CHL1: variants seen among roughly 807,000 people sequenced by gnomAD.
CHL1 encodes the protein cell adhesion molecule L1 like.
Under a neutral mutation model 141.9 loss-of-function variants are expected in CHL1, and 96 were observed. That is an observed-to-expected ratio of 0.68 (90% confidence interval 0.57 to 0.80). The LOEUF (loss-of-function observed/expected upper bound fraction) is 0.80. Among genes scored for constraint, CHL1 ranks in the 30% least tolerant of loss-of-function variants. The pLI, the probability that CHL1 is intolerant of heterozygous loss-of-function variation, is 0.00. For synonymous variants in CHL1, 613 were observed against 502.2 expected, an observed-to-expected ratio of 1.22 and a Z score of -2.95; for missense variants, 1,820 against 1,457.2, an observed-to-expected ratio of 1.25 and a Z score of -4.05.
In CHL1 at chr3:209,848, G is replaced by A. The variant is rs142933154; in HGVS notation, c.-175+12785G>A. ...CTAATAATGATCCAAGGTAGGTGCC[G>A]TTGTTTACAGATAGGATTTTGTATT... On this transcript the variant is annotated intron_variant, in intron 1 of 27. Coordinates refer to ENST00000256509, the MANE Select transcript of CHL1 (RefSeq NM_006614.4). 2.4e-3 allele frequency among the ~76,000 whole-genome samples: 362 copies of A among 152,306 alleles called. 1 individual carries two copies. The highest frequency in any genetic ancestry group is 8.3e-3 in the African/African-American group (343 of 41,564).
At chr3:394,942 C>G in intron 24 of CHL1, 70 bp downstream of exon 24, 1 of 1,269,620 alleles carries the variant, frequency 7.9e-7, no homozygotes, top group South Asian at 1.6e-5. Flanking sequence ...AACAGCTGCA[C>G]TGAAAGGAAA....
At chr3:272,944 A>G (rs1033236682) in intron 2 of CHL1, among the ~76,000 whole-genome samples, 4 of 152,188 alleles carry the variant, frequency 2.6e-5, no homozygotes, top group African/African-American at 9.7e-5. Flanking sequence ...CAATGAAGAG[A>G]TAATGAAGGG....
rs9883157 is a variant in CHL1 at position 242,362 on chromosome 3, T to A, written c.-174-2251T>A. ...CTGTAATCCCAGCACTTTGGGAGGCTGAGGGGGGCAGATCACGAGGTCAGG... is the reference window on the plus strand; with the variant it reads ...CTGTAATCCCAGCACTTTGGGAGGCAGAGGGGGGCAGATCACGAGGTCAGG... On this transcript the variant is annotated intron_variant, in intron 1 of 27. Coordinates refer to ENST00000256509, the MANE Select transcript of CHL1 (RefSeq NM_006614.4). Among the ~76,000 whole-genome samples, 4 of 144,150 alleles carry A rather than the reference T, an allele frequency of 2.8e-5. No individual in the cohort carries two copies. In the South Asian group the frequency reaches 7.0e-4, roughly 25 times the overall value. The allele number at this position is 144,150 out of a possible 152,430, so 94.6% of individuals were successfully genotyped here.
At chr3:221,171 T>C (rs1014074551) in intron 1 of CHL1, among the ~76,000 whole-genome samples, 1 of 152,226 alleles carries the variant, frequency 6.6e-6, no homozygotes, top group African/African-American at 2.4e-5. Context: ...GTCTTATTTC[T>C]CCTTAAAATG....
At chr3:238,899 C>T (rs532108072) in intron 1 of CHL1, among the ~76,000 whole-genome samples, 2 of 152,252 alleles carry the variant, frequency 1.3e-5, no homozygotes, top group African/African-American at 2.4e-5. Context: ...CGCCATTGCA[C>T]TCCAGCCTGG....
At chr3:357,671 C>A (rs1291659600) in intron 11 of CHL1, among the ~76,000 whole-genome samples, 1 of 152,226 alleles carries the variant, frequency 6.6e-6, no homozygotes, top group Non-Finnish European at 1.5e-5. Flanking sequence ...TTTATAAAGA[C>A]TTGGCCTTCT....
Position 392,432 on chromosome 3 carries a change from C to G in CHL1, c.2914+635C>G, listed in dbSNP as rs191108041. On this transcript the variant is annotated intron_variant, in intron 23 of 27. Transcript: ENST00000256509. ...TCTTTGGATCATGACTCAGAATGGG[C>G]TCTGCCCAGATGCTGCTGTGCGACT... Among the ~76,000 whole-genome samples, 382 of 152,328 alleles carry G rather than the reference C, an allele frequency of 2.5e-3. 2 individuals are homozygous for G. The highest frequency in any genetic ancestry group is 8.6e-3 in the African/African-American group (359 of 41,570).
chr3:294,983 T>A (rs1698058304), intron 2 of CHL1, among the ~76,000 whole-genome samples: 1 of 152,256 alleles, frequency 6.6e-6, no homozygotes, highest in East Asian at 1.9e-4. Flanking sequence ...TTATACTTAT[T>A]AAAATGGTAA....
chr3:236,065 T>C (rs531945675), intron 1 of CHL1, among the ~76,000 whole-genome samples: 1 of 152,310 alleles, frequency 6.6e-6, no homozygotes, highest in East Asian at 1.9e-4. Context: ...GCATTCATGG[T>C]GGGAAGACCA....
chr3:354,909 TTA>T (rs2125228724), intron 11 of CHL1, 138 bp downstream of exon 11: 2 of 1,105,124 alleles, frequency 1.8e-6, no homozygotes, highest in East Asian at 5.1e-5. Context: ...CAGAGATTGT[TTA>T]TTTCTAAGCA....
chr3:340,932 T>C lies in CHL1; in HGVS notation c.508+16T>C, dbSNP rs1575112499. 10 of 1,603,028 alleles carry C rather than the reference T, an allele frequency of 6.2e-6. No individual in the cohort carries two copies. The highest frequency in any genetic ancestry group is 8.5e-6 in the Non-Finnish European group (10 of 1,175,950). ...ATGAATATTGGTAAGTAATGCTCCG[T>C]TCCATCAAAAAAGGGGGACATTTTA... On this transcript the variant is annotated intron_variant, in intron 6 of 27. Coordinates refer to ENST00000256509, the MANE Select transcript of CHL1 (RefSeq NM_006614.4).
At chr3:404,317 TTGA>T (rs1709366949) in intron 27 of CHL1, among the ~76,000 whole-genome samples, 1 of 152,166 alleles carries the variant, frequency 6.6e-6, no homozygotes, top group African/African-American at 2.4e-5. Context: ...CCTGACATAC[TTGA>T]TGAACAGCTC....
chr3:261,443 A>T (rs1267551715), intron 2 of CHL1, among the ~76,000 whole-genome samples: 1 of 152,136 alleles, frequency 6.6e-6, no homozygotes, highest in Non-Finnish European at 1.5e-5. Context: ...TCGTGGAAGA[A>T]AATAAGGCCA....
chr3:331,949 A>G (rs1701475728), intron 5 of CHL1, among the ~76,000 whole-genome samples: 1 of 152,222 alleles, frequency 6.6e-6, no homozygotes, highest in Non-Finnish European at 1.5e-5. Flanking sequence ...TGCAATATAC[A>G]TCCAACAGAA....
At chr3:245,080 A>T (rs1322485487) in intron 2 of CHL1, among the ~76,000 whole-genome samples, 1 of 152,180 alleles carries the variant, frequency 6.6e-6, no homozygotes, top group Non-Finnish European at 1.5e-5. Context: ...TTTCAGTGAG[A>T]AAACCTGTAT....
At chr3:306,462 C>G (rs969995043) in intron 2 of CHL1, among the ~76,000 whole-genome samples, 30 of 152,138 alleles carry the variant, frequency 2.0e-4, no homozygotes, top group African/African-American at 7.2e-4. Context: ...TAAACAACCA[C>G]TGGGATGTGA....
In CHL1 at chr3:354,723, G is replaced by C. The variant is rs781242145; in HGVS notation, c.1117G>C (p.Glu373Gln). 1.3e-5 allele frequency: 21 copies of C among 1,613,862 alleles called. No individual in the cohort carries two copies. Among genetic ancestry groups the C allele is most frequent in the East Asian group, 2.2e-5 (1 of 44,898 alleles). Residue 373 changes from glutamate (E) to glutamine (Q), a missense_variant, in exon 11 of 28, where the codon GAA becomes CAA. Transcript: ENST00000256509. Reference protein sequence around the residue: ...NGILLCEAEGEPQPTIKWRVN... With the variant: ...NGILLCEAEGQPQPTIKWRVN... Reference sequence around the variant, plus strand: ...CATCTTGTTATGTGAGGCTGAAGGAGAACCTCAACCCACAATCAAGTGGAG... The same window carrying C: ...CATCTTGTTATGTGAGGCTGAAGGACAACCTCAACCCACAATCAAGTGGAG...
Position 365,981 on chromosome 3 carries a change from T to A in CHL1, c.1617T>A (p.Asn539Lys). The A allele has an allele frequency of 6.2e-7, 1 of 1,613,508 alleles. No individual in the cohort carries two copies. Among genetic ancestry groups the A allele is most frequent in the Non-Finnish European group, 8.5e-7 (1 of 1,179,642 alleles). ...NATKLRVSPK[N>K]PRIPKLHMLE... ...CAAAACTTAGAGTTTCTCCTAAGAA[T>A]CCTCGTATCCCCAAATTGCATATGC... The change falls in exon 15 of 28, where the codon AAT (asparagine) becomes AAA (lysine). Residue 539 changes from asparagine (N) to lysine (K), a missense_variant. Coordinates refer to ENST00000256509, the MANE Select transcript of CHL1 (RefSeq NM_006614.4).
At chr3:357,402 A>G (rs1040015852) in intron 11 of CHL1, among the ~76,000 whole-genome samples, 11 of 152,194 alleles carry the variant, frequency 7.2e-5, no homozygotes, top group African/African-American at 2.4e-4. Flanking sequence ...CCCTTTTCAC[A>G]TGCTTTGCAT....
Sources: gnomAD v4.1 joint callset for allele counts (sites outside exome capture counted in the v4.1 genomes callset) on GRCh38, gnomAD v4.1.1 for gene constraint, MANE v1.5 for transcripts, NCBI Gene and HGNC (gene_info 2026-07-23, HGNC 2026-07-21) for gene names.